The following GRM5 variants were observed in gnomAD, a reference collection of about 807,000 sequenced individuals.
The protein encoded by GRM5 is glutamate metabotropic receptor 5, also known as metabotropic glutamate receptor 5.
Under a neutral mutation model 83.1 loss-of-function variants are expected in GRM5, and 19 were observed. The observed-to-expected ratio is 0.23, with a 90% CI of 0.16 to 0.34. The LOEUF (loss-of-function observed/expected upper bound fraction) is 0.34. GRM5 is among the 10% of genes least tolerant of loss of function. GRM5 has a pLI of 1.00. For synonymous variants in GRM5, 675 were observed against 633.6 expected (o/e 1.07, Z -0.98); for missense variants, 1,160 against 1,588.3 (o/e 0.73, Z 4.58).
intron 2 of GRM5, among the ~76,000 whole-genome samples, chr11:88,900,434 T>C (rs1219167584): frequency 6.6e-6 from 1 of 152,144 alleles, no homozygotes; most frequent in African/African-American, 2.4e-5. Flanking sequence ...TATAGATATA[T>C]AAAGTGGATG....
In GRM5 at chr11:88,509,501, G is replaced by A; in HGVS notation, c.2730C>T (p.Ser910=). The A allele has an allele frequency of 6.2e-7, 1 of 1,609,204 alleles. No individual in the cohort carries two copies. Among genetic ancestry groups the A allele is most frequent in the Non-Finnish European group, 8.5e-7 (1 of 1,177,992 alleles). ...GNGGRATMSS[S]NGKSVTWAQN... ...GGGCCCACGTGACGGATTTTCCATT[G>A]GAACTGAGGAGAGAAGGGAGAGGAA... The change falls in exon 10 of 10, where the codon TCC becomes TCT. Residue 910 remains serine (S), a synonymous_variant. Coordinates refer to ENST00000305447, the MANE Select transcript of GRM5 (RefSeq NM_001143831.3).
intron 4 of GRM5, among the ~76,000 whole-genome samples, chr11:88,636,365 A>G (rs914800607): frequency 3.9e-5 from 6 of 152,146 alleles, no homozygotes; most frequent in African/African-American, 1.2e-4. Flanking sequence ...TACCAAAATT[A>G]TCTGGGCTTG....
intron 2 of GRM5, among the ~76,000 whole-genome samples, chr11:88,936,012 A>G (rs1333405731): frequency 6.6e-6 from 1 of 151,892 alleles, no homozygotes; most frequent in South Asian, 2.1e-4. Flanking sequence ...ATTATTCTAC[A>G]AAGTAAATCC....
At chr11:88,803,440 A>T (rs1420116652) in intron 3 of GRM5, among the ~76,000 whole-genome samples, 1 of 152,122 alleles carries the variant, frequency 6.6e-6, no homozygotes, top group Admixed American at 6.5e-5. Context: ...TGGGGAAAGG[A>T]TTCCCTATTT....
chr11:88,949,172 G>T (rs1378411227), intron 2 of GRM5, among the ~76,000 whole-genome samples: 1 of 152,166 alleles, frequency 6.6e-6, no homozygotes, highest in Non-Finnish European at 1.5e-5. Flanking sequence ...AGTGCCTAAG[G>T]CATCAAACCC....
At chr11:88,718,814 C>T (rs1941460396) in intron 3 of GRM5, among the ~76,000 whole-genome samples, 1 of 151,958 alleles carries the variant, frequency 6.6e-6, no homozygotes, top group Non-Finnish European at 1.5e-5. Context: ...AGGCTTAACT[C>T]ATAGTATATA....
intron 3 of GRM5, among the ~76,000 whole-genome samples, chr11:88,742,599 G>A (rs774157688): frequency 6.6e-6 from 1 of 152,052 alleles, no homozygotes; most frequent in Non-Finnish European, 1.5e-5. Flanking sequence ...GGTATTTATT[G>A]TTCCTTTCTG....
At chr11:88,908,160 T>C (rs867714538) in intron 2 of GRM5, among the ~76,000 whole-genome samples, 9 of 152,172 alleles carry the variant, frequency 5.9e-5, no homozygotes, top group African/African-American at 2.2e-4. Context: ...AACATCATGT[T>C]TTCCATATTT....
chr11:88,532,003 G>A (rs1210011478), intron 8 of GRM5, among the ~76,000 whole-genome samples: 1 of 151,924 alleles, frequency 6.6e-6, no homozygotes. Flanking sequence ...AGAAACCACA[G>A]TATACCTATT....
chr11:88,624,217 G>C (rs973109195), intron 4 of GRM5, among the ~76,000 whole-genome samples: 2 of 152,152 alleles, frequency 1.3e-5, no homozygotes, highest in Admixed American at 6.5e-5. Context: ...ATCAAATTCA[G>C]TTCACTACTG....
Position 88,508,843 on chromosome 11 carries a change from C to A in GRM5, c.3388G>T (p.Ala1130Ser). ...TCCCCAGCCGCCTGCGCCCCTGCCG[C>A]GGGCTGCGCGCCTCCCGTGACTTCG... is the stretch of plus-strand genomic sequence containing the variant. ...AIEVTGGAQP[A>S]AGAQAAGDAA... Residue 1130 changes from alanine to serine, a missense_variant, in exon 10 of 10, where the codon GCG (alanine) becomes TCG (serine). This residue lies in a region of GRM5 where 562 missense variants were observed against 532.4 expected (regional missense o/e 1.06). Coordinates refer to ENST00000305447, the MANE Select transcript of GRM5 (RefSeq NM_001143831.3). The surrounding 1 kb of genome is among the most constrained non-coding windows in gnomAD (Gnocchi z 4.2). 6.4e-7 allele frequency: 1 copy of A among 1,555,290 alleles called. No homozygotes were observed. The highest frequency in any genetic ancestry group is 8.7e-7 in the Non-Finnish European group (1 of 1,151,568).
chr11:88,814,490 A>G (rs1234463713), intron 3 of GRM5, among the ~76,000 whole-genome samples: 1 of 151,912 alleles, frequency 6.6e-6, no homozygotes, highest in Non-Finnish European at 1.5e-5. Context: ...CTGTACCCAT[A>G]AATCTAAGTA....
chr11:88,902,950 C>CAAAAAAAAA (rs201996144), intron 2 of GRM5, among the ~76,000 whole-genome samples: 27 of 61,884 alleles, frequency 4.4e-4, no homozygotes, highest in Admixed American at 1.3e-3. Context: ...GACTCCATCT[C>CAAAAAAAAA]AAAAAAAAAA....
intron 2 of GRM5, among the ~76,000 whole-genome samples, chr11:89,001,486 A>G (rs1168652094): frequency 6.6e-6 from 1 of 152,158 alleles, no homozygotes; most frequent in Non-Finnish European, 1.5e-5. Context: ...TTTATAGAAC[A>G]TTCTTGAAGT....
chr11:88,694,595 GT>G (rs1940858562), intron 3 of GRM5, among the ~76,000 whole-genome samples: 1 of 151,246 alleles, frequency 6.6e-6, no homozygotes, highest in South Asian at 2.1e-4. Flanking sequence ...AGCTTGAAAA[GT>G]GTTAAACTGA....
At position 89,047,744 on chromosome 11, in the gene GRM5, A is replaced by C; in HGVS notation, c.129T>G (p.Val43=). 1 of 1,614,094 alleles carries C rather than the reference A, an allele frequency of 6.2e-7. No homozygotes were observed. Among genetic ancestry groups the C allele is most frequent in the Middle Eastern group, 1.6e-4 (1 of 6,062 alleles). Residue 43 remains valine, a synonymous_variant, in exon 2 of 10, where the codon GTT becomes GTG. Coordinates refer to ENST00000305447, the MANE Select transcript of GRM5 (RefSeq NM_001143831.3). The surrounding 1 kb of genome is among the most constrained non-coding windows in gnomAD (Gnocchi z 5.1). ...CTTTGTCCACAGTAGGCTGGTGATGAACAGAAAAGAGAGCTCCAATAATGA... is the reference window on the plus strand; with the variant it reads ...CTTTGTCCACAGTAGGCTGGTGATGCACAGAAAAGAGAGCTCCAATAATGA... The part of the protein sequence containing the change: ...GDIIIGALFS[V]HHQPTVDKVH...
intron 8 of GRM5, among the ~76,000 whole-genome samples, chr11:88,528,223 G>C (rs981312729): frequency 1.3e-5 from 2 of 151,992 alleles, no homozygotes; most frequent in African/African-American, 4.8e-5. Flanking sequence ...AAAAATGTGA[G>C]CAATATCTTA....
At chr11:88,944,838 A>G (rs1178665124) in intron 2 of GRM5, among the ~76,000 whole-genome samples, 1 of 151,942 alleles carries the variant, frequency 6.6e-6, no homozygotes, top group South Asian at 2.1e-4. Flanking sequence ...AATCATATTC[A>G]ATACAGAATG....
intron 2 of GRM5, among the ~76,000 whole-genome samples, chr11:88,955,418 T>C (rs1203336312): frequency 1.3e-5 from 2 of 152,214 alleles, no homozygotes; most frequent in African/African-American, 4.8e-5. Flanking sequence ...TGAAAATTGG[T>C]AAATTTTGCA....
Sources: gnomAD v4.1 joint callset for allele counts (sites outside exome capture counted in the v4.1 genomes callset) on GRCh38, gnomAD v4.1.1 for gene constraint, gnomAD v4.1.1 regional missense constraint, Gnocchi (gnomAD v3.1) non-coding constraint, MANE v1.5 for transcripts, NCBI Gene and HGNC (gene_info 2026-07-23, HGNC 2026-07-21) for gene names.